The following SLC35F4 variants were observed in gnomAD, a reference collection of about 807,000 sequenced individuals.
SLC35F4 encodes the protein solute carrier family 35 member F4.
In SLC35F4, 24 loss-of-function variants were observed where a neutral mutation model predicts 44.2. The observed-to-expected ratio is 0.54, with a 90% CI of 0.39 to 0.76. SLC35F4 has a LOEUF of 0.76. SLC35F4 is among the 30% of genes least tolerant of loss of function. The pLI is 0.00. For missense variants in SLC35F4, 562 were observed against 586.1 expected, an observed-to-expected ratio of 0.96 and a Z score of 0.42; for synonymous variants, 238 against 223.6, an observed-to-expected ratio of 1.06 and a Z score of -0.57.
At chr14:57,600,702 A>C (rs2070769900) in intron 1 of SLC35F4, among the ~76,000 whole-genome samples, 1 of 141,934 alleles carries the variant, frequency 7.0e-6, no homozygotes, top group Non-Finnish European at 1.5e-5. Flanking sequence ...AAAAAAAAAA[A>C]AAAAAAAAAA....
At chr14:57,967,987 G>A (rs1880933873) in intron 1 of SLC35F4, among the ~76,000 whole-genome samples, 1 of 152,130 alleles carries the variant, frequency 6.6e-6, no homozygotes, top group South Asian at 2.1e-4. Flanking sequence ...TTCTTAGTCT[G>A]TTTTCTAAGA....
intron 1 of SLC35F4, chr14:57,837,465 G>A (rs746711634): frequency 2.0e-5 from 3 of 152,178 alleles, no homozygotes; most frequent in East Asian, 3.8e-4. Flanking sequence ...GGAGCATACA[G>A]ACTCGCATGC....
intron 1 of SLC35F4, among the ~76,000 whole-genome samples, chr14:57,687,860 T>A (rs552250879): frequency 6.6e-5 from 10 of 152,328 alleles, no homozygotes; most frequent in African/African-American, 2.4e-4. Context: ...AAGAGAACTC[T>A]AATTTGAGAA....
In SLC35F4 at chr14:57,569,933, T is replaced by C. The variant is rs757150831; in HGVS notation, c.981A>G (p.Ala327=). ...FLGSANFGEA[A]HFVSTLGFFN... is the part of the protein sequence containing the mutation. Reference sequence around the variant, plus strand: ...AGAAACCCAAGGTGGAGACAAAGTGTGCAGCTTCCCCAAAGTTGGCACTTC... The same window carrying C: ...AGAAACCCAAGGTGGAGACAAAGTGCGCAGCTTCCCCAAAGTTGGCACTTC... The change falls in exon 6 of 8, where the codon GCA becomes GCG. Residue 327 remains alanine (A), a synonymous_variant. Transcript: ENST00000556826. 2 of 1,612,070 alleles carry C rather than the reference T, an allele frequency of 1.2e-6. 1 individual carries two copies. The highest frequency in any genetic ancestry group is 2.2e-5 in the South Asian group (2 of 90,424).
chr14:57,733,548 T>C (rs926024100), intron 1 of SLC35F4, among the ~76,000 whole-genome samples: 12 of 151,720 alleles, frequency 7.9e-5, no homozygotes, highest in Non-Finnish European at 1.0e-4. Context: ...ATGTATACGT[T>C]AATTGAAAAA....
chr14:57,950,593 G>T (rs1890117292), intron 1 of SLC35F4, among the ~76,000 whole-genome samples: 1 of 151,684 alleles, frequency 6.6e-6, no homozygotes, highest in Non-Finnish European at 1.5e-5. Context: ...GGATGTTATA[G>T]GACTCTGTTT....
At chr14:57,827,282 G>A (rs1883885972) in intron 1 of SLC35F4, among the ~76,000 whole-genome samples, 2 of 152,198 alleles carry the variant, frequency 1.3e-5, no homozygotes, top group African/African-American at 2.4e-5. Flanking sequence ...ATTGCATGTT[G>A]TCAGTTATAA....
At position 57,571,884 on chromosome 14, in the gene SLC35F4, C is replaced by T. The variant is rs2068527578; in HGVS notation, c.933+10G>A. 2 of 1,607,362 alleles carry T rather than the reference C, an allele frequency of 1.2e-6. No homozygotes were observed. Among genetic ancestry groups the T allele is most frequent in the Non-Finnish European group, 1.7e-6 (2 of 1,176,426 alleles). ...TGACAGTTGCTTACAAAAGAAAGTG[C>T]ACAACATACCTTATATAATGCAGAT... On this transcript the variant is annotated intron_variant, in intron 5 of 7. Transcript: ENST00000556826.
At chr14:57,824,420 G>GATACATACATAC (rs888696032) in intron 1 of SLC35F4, among the ~76,000 whole-genome samples, 3 of 151,772 alleles carry the variant, frequency 2.0e-5, no homozygotes, top group African/African-American at 7.3e-5. Flanking sequence ...TAGATAGATA[G>GATACATACATAC]ATACATACAT....
At chr14:57,745,472 C>G (rs1018728947) in intron 1 of SLC35F4, among the ~76,000 whole-genome samples, 2 of 152,168 alleles carry the variant, frequency 1.3e-5, no homozygotes, top group Non-Finnish European at 2.9e-5. Context: ...AGCCAACAGA[C>G]ACATGAAAAA....
At chr14:57,881,717 C>A (rs901234114) in intron 1 of SLC35F4, among the ~76,000 whole-genome samples, 2 of 152,110 alleles carry the variant, frequency 1.3e-5, no homozygotes, top group East Asian at 1.9e-4. Flanking sequence ...TGCAGAGGAA[C>A]ATGTTGGTTC....
At chr14:57,837,541 T>C (rs919037528) in intron 1 of SLC35F4, 3 of 152,234 alleles carry the variant, frequency 2.0e-5, no homozygotes, top group Non-Finnish European at 4.4e-5. Context: ...TCACAGCTTC[T>C]GGGATAGGGA....
At chr14:57,900,206 G>A (rs1356605668) in intron 1 of SLC35F4, among the ~76,000 whole-genome samples, 2 of 152,118 alleles carry the variant, frequency 1.3e-5, no homozygotes, top group Admixed American at 1.3e-4. Context: ...GGCCCCACTG[G>A]GGACCCAGGA....
At chr14:57,708,891 G>A (rs1160723274) in intron 1 of SLC35F4, among the ~76,000 whole-genome samples, 2 of 152,178 alleles carry the variant, frequency 1.3e-5, no homozygotes, top group African/African-American at 4.8e-5. Flanking sequence ...TCCCTGCCTG[G>A]CAGCTGAGGC....
chr14:57,576,089 C>T (rs1430541502), intron 4 of SLC35F4, among the ~76,000 whole-genome samples: 2 of 151,824 alleles, frequency 1.3e-5, no homozygotes, highest in Non-Finnish European at 2.9e-5. Context: ...TCAACCTGAT[C>T]CCATTCACTA....
intron 1 of SLC35F4, among the ~76,000 whole-genome samples, chr14:57,942,140 C>T (rs1889927064): frequency 6.6e-6 from 1 of 152,330 alleles, no homozygotes; most frequent in Non-Finnish European, 1.5e-5. Context: ...GAGTGAATAA[C>T]GTCAGAACCT....
chr14:57,727,965 G>T (rs1038218984), intron 1 of SLC35F4, among the ~76,000 whole-genome samples: 1 of 152,152 alleles, frequency 6.6e-6, no homozygotes, highest in East Asian at 1.9e-4. Context: ...GATCTGTTCA[G>T]TGCTGAAGGT....
intron 1 of SLC35F4, among the ~76,000 whole-genome samples, chr14:57,611,923 G>A (rs146309551): frequency 9.8e-5 from 15 of 152,342 alleles, no homozygotes; most frequent in African/African-American, 3.1e-4. Context: ...GAGCTCAGAT[G>A]TTGGTCACTG....
chr14:57,931,546 A>G (rs1428419191), intron 1 of SLC35F4, among the ~76,000 whole-genome samples: 2 of 152,212 alleles, frequency 1.3e-5, no homozygotes, highest in Non-Finnish European at 2.9e-5. Flanking sequence ...GAGAAACTAT[A>G]GTGCAAATAA....
Sources: gnomAD v4.1 joint callset for allele counts (sites outside exome capture counted in the v4.1 genomes callset) on GRCh38, gnomAD v4.1.1 for gene constraint, MANE v1.5 for transcripts, NCBI Gene and HGNC (gene_info 2026-07-23, HGNC 2026-07-21) for gene names.